The following CNTNAP2 variants were observed in gnomAD, a reference collection of about 807,000 sequenced individuals.
CNTNAP2 encodes contactin-associated protein-like 2.
Under a neutral mutation model 155.2 loss-of-function variants are expected in CNTNAP2, and 98 were observed. The observed-to-expected ratio is 0.63, with a 90% confidence interval of 0.54 to 0.75. The LOEUF (loss-of-function observed/expected upper bound fraction) is 0.75. Ranked by LOEUF, CNTNAP2 falls within the 30% of genes least tolerant of loss-of-function variation. The pLI, the probability that CNTNAP2 is intolerant of heterozygous loss-of-function variation, is 0.00. For missense variants in CNTNAP2, 1,727 were observed against 1,688.1 expected, an observed-to-expected ratio of 1.02 and a Z score of -0.40; for synonymous variants, 651 against 631.2, an observed-to-expected ratio of 1.03 and a Z score of -0.47.
intron 2 of CNTNAP2, among the ~76,000 whole-genome samples, chr7:146,833,664 C>T (rs533765666): frequency 3.3e-5 from 5 of 152,254 alleles, no homozygotes; most frequent in African/African-American, 1.2e-4. Context: ...TCTCTTTTCA[C>T]AACCAGGTTA....
rs113845731 is a variant in CNTNAP2, at chr7:146,573,035, G to A, written c.98-201236G>A. ...ATATTAATATATAATGTCAACTTAG[G>A]GGTAAATATCAAGTGTTATGCGTCT... On this transcript the variant is annotated intron_variant, in intron 1 of 23. Transcript: ENST00000361727. Among the ~76,000 whole-genome samples, 1,070 of 152,258 alleles carry A rather than the reference G, an allele frequency of 7.0e-3. 9 individuals carry two copies. Among genetic ancestry groups the A allele is most frequent in the African/African-American group, 0.023 (949 of 41,556 alleles).
chr7:146,441,164 A>T (rs1406735727), intron 1 of CNTNAP2, among the ~76,000 whole-genome samples: 1 of 151,632 alleles, frequency 6.6e-6, no homozygotes, highest in African/African-American at 2.4e-5. Flanking sequence ...TCAGTATGAA[A>T]ACTTCAGAAT....
intron 9 of CNTNAP2, among the ~76,000 whole-genome samples, chr7:147,335,997 T>C (rs922678955): frequency 1.3e-5 from 2 of 152,162 alleles, no homozygotes; most frequent in African/African-American, 4.8e-5. Context: ...AATTAAGTAT[T>C]TTGTTGCAGA....
chr7:146,895,265 C>A (rs188819160), intron 3 of CNTNAP2, among the ~76,000 whole-genome samples: 3 of 138,530 alleles, frequency 2.2e-5, no homozygotes, highest in African/African-American at 7.6e-5. Context: ...CTTCCTTCCC[C>A]TTCCTTCTTT....
intron 1 of CNTNAP2, among the ~76,000 whole-genome samples, chr7:146,397,837 T>C (rs1212870202): frequency 6.6e-6 from 1 of 151,832 alleles, no homozygotes; most frequent in Non-Finnish European, 1.5e-5. Flanking sequence ...TAGAACTATG[T>C]CAATATTAAT....
chr7:146,588,179 T>C (rs1427428225), intron 1 of CNTNAP2, among the ~76,000 whole-genome samples: 3 of 152,160 alleles, frequency 2.0e-5, no homozygotes, highest in Non-Finnish European at 4.4e-5. Flanking sequence ...GATTTTGGTG[T>C]GGTTTGTAAT....
chr7:146,831,502 C>T (rs531978474), intron 2 of CNTNAP2, among the ~76,000 whole-genome samples: 17 of 151,628 alleles, frequency 1.1e-4, no homozygotes, highest in Middle Eastern at 3.4e-3. Context: ...ATGGTGAAAC[C>T]GTGTCTCTAC....
At chr7:146,207,878 A>C (rs1316581499) in intron 1 of CNTNAP2, among the ~76,000 whole-genome samples, 1 of 151,956 alleles carries the variant, frequency 6.6e-6, no homozygotes, top group Non-Finnish European at 1.5e-5. Flanking sequence ...AAACAAGAGA[A>C]CAAGTAACAG....
At chr7:147,851,925 T>G (rs1584990933) in intron 13 of CNTNAP2, among the ~76,000 whole-genome samples, 2 of 151,720 alleles carry the variant, frequency 1.3e-5, no homozygotes, top group South Asian at 2.1e-4. Flanking sequence ...ATAAGAATAA[T>G]AATAAATTAT....
At chr7:147,593,608 A>T (rs1298325641) in intron 12 of CNTNAP2, among the ~76,000 whole-genome samples, 4 of 152,120 alleles carry the variant, frequency 2.6e-5, no homozygotes, top group Non-Finnish European at 5.9e-5. Flanking sequence ...TCATGTAAAG[A>T]GGTGTTAGGA....
intron 2 of CNTNAP2, among the ~76,000 whole-genome samples, chr7:146,787,109 T>C (rs1002562447): frequency 1.3e-5 from 2 of 152,166 alleles, no homozygotes; most frequent in African/African-American, 4.8e-5. Flanking sequence ...TGTTTTGTTT[T>C]CAACCCTCTG....
intron 1 of CNTNAP2, among the ~76,000 whole-genome samples, chr7:146,547,256 T>C (rs1584975295): frequency 6.6e-6 from 1 of 152,048 alleles, no homozygotes; most frequent in Non-Finnish European, 1.5e-5. Context: ...TGTAAATTCA[T>C]GTGACCTGAA....
intron 13 of CNTNAP2, among the ~76,000 whole-genome samples, chr7:147,723,409 A>C (rs1339519231): frequency 1.3e-5 from 2 of 152,070 alleles, no homozygotes; most frequent in Non-Finnish European, 1.5e-5. Flanking sequence ...AAAAGAAAAA[A>C]TTTAATAAAA....
At chr7:148,050,119 C>T (rs866434261) in intron 15 of CNTNAP2, among the ~76,000 whole-genome samples, 10 of 152,184 alleles carry the variant, frequency 6.6e-5, no homozygotes, top group African/African-American at 2.4e-4. Context: ...AAGATCGCGC[C>T]ACTGCACTCC....
intron 14 of CNTNAP2, among the ~76,000 whole-genome samples, chr7:147,955,823 A>G (rs1801009562): frequency 6.6e-6 from 1 of 152,220 alleles, no homozygotes; most frequent in Admixed American, 6.5e-5. Context: ...AGGTTAAAGA[A>G]CAAAACAAGA....
chr7:146,432,748 T>G (rs780254583), intron 1 of CNTNAP2, among the ~76,000 whole-genome samples: 1 of 152,172 alleles, frequency 6.6e-6, no homozygotes, highest in Non-Finnish European at 1.5e-5. Context: ...ATTTTTAAAG[T>G]GTGAAGAGCA....
At chr7:147,095,479 T>TCAGAACATA (rs1800511117) in intron 4 of CNTNAP2, among the ~76,000 whole-genome samples, 1 of 151,656 alleles carries the variant, frequency 6.6e-6, no homozygotes, top group Non-Finnish European at 1.5e-5. Context: ...GACACAAACA[T>TCAGAACATA]TCAGAACATA....
At chr7:146,328,357 C>G (rs553196542) in intron 1 of CNTNAP2, among the ~76,000 whole-genome samples, 1 of 152,226 alleles carries the variant, frequency 6.6e-6, no homozygotes, top group South Asian at 2.1e-4. Flanking sequence ...ACTGTTCTAT[C>G]AAAATATCTT....
At chr7:146,223,259 T>C (rs1262042789) in intron 1 of CNTNAP2, among the ~76,000 whole-genome samples, 1 of 152,162 alleles carries the variant, frequency 6.6e-6, no homozygotes, top group East Asian at 1.9e-4. Context: ...GCCAAGATGT[T>C]TGGACAAGAG....
Sources: allele counts gnomAD v4.1 joint callset (sites outside exome capture counted in the v4.1 genomes callset), GRCh38; gene constraint gnomAD v4.1.1; transcripts MANE v1.5; gene names NCBI Gene and HGNC (gene_info 2026-07-23, HGNC 2026-07-21).